MOSMO: variants seen among roughly 807,000 people sequenced by gnomAD.
The protein encoded by MOSMO is modulator of smoothened protein.
A neutral mutation model predicts 18.4 loss-of-function variants in MOSMO; 5 were observed. The ratio of observed to expected loss-of-function variants is 0.27; its 90% CI spans 0.14 to 0.57. The LOEUF (loss-of-function observed/expected upper bound fraction) is 0.57, where lower values mean the gene tolerates loss of function less well. MOSMO is among the 20% of genes least tolerant of loss of function. The pLI, the probability that MOSMO is intolerant of heterozygous loss-of-function variation, is 0.92. For synonymous variants in MOSMO, 82 were observed against 82.3 expected (o/e 1.00, Z 0.02); for missense variants, 138 against 211.8 (o/e 0.65, Z 2.16).
downstream of MOSMO, among the ~76,000 whole-genome samples, chr16:22,091,420 G>A (rs1016837515): frequency 2.0e-5 from 3 of 152,174 alleles, no homozygotes; most frequent in African/African-American, 7.2e-5. Flanking sequence ...GTCTTGCTCT[G>A]TAGCCCAGGC....
intron 1 of MOSMO, among the ~76,000 whole-genome samples, chr16:22,025,098 A>C (rs1163010612): frequency 6.6e-6 from 1 of 151,482 alleles, no homozygotes; most frequent in African/African-American, 2.4e-5. Flanking sequence ...GGCTGCAGTG[A>C]GATATGATTG....
chr16:22,075,694 C>T lies in MOSMO; in HGVS notation c.314C>T (p.Thr105Ile), dbSNP rs1455370327. The change falls in exon 2 of 3, where the codon ACT becomes ATT. Residue 105 changes from threonine (T) to isoleucine (I), a missense_variant. Transcript: ENST00000542527. Reference protein sequence around the residue: ...ATKYARWIAFTGMILFCMAAL... With the variant: ...ATKYARWIAFIGMILFCMAAL... ...AAATATGCTCGATGGATAGCATTCA[C>T]TGGAAGTAAGTAACCTGTGCTTACT... The T allele has an allele frequency of 1.0e-5, 16 of 1,536,648 alleles. 1 individual carries two copies. Among genetic ancestry groups the T allele is most frequent in the African/African-American group, 1.4e-5 (1 of 73,042 alleles).
intron 1 of MOSMO, among the ~76,000 whole-genome samples, chr16:22,043,765 A>G (rs1900253999): frequency 6.6e-6 from 1 of 152,228 alleles, no homozygotes; most frequent in African/African-American, 2.4e-5. Context: ...TTGAATTTAT[A>G]ATCGTAGAGA....
intron 1 of MOSMO, among the ~76,000 whole-genome samples, chr16:22,057,537 T>C (rs763437911): frequency 3.9e-5 from 6 of 152,190 alleles, no homozygotes; most frequent in Non-Finnish European, 7.3e-5. Flanking sequence ...AGTTCTCAAA[T>C]AACAGACACA....
chr16:22,015,258 T>A (rs1356327981), intron 1 of MOSMO, among the ~76,000 whole-genome samples: 3 of 152,160 alleles, frequency 2.0e-5, no homozygotes. Context: ...ATGACTTTTT[T>A]TTTTCTTTAA....
At chr16:22,088,127 G>A (rs919507802), downstream of MOSMO, among the ~76,000 whole-genome samples, 1 of 151,722 alleles carries the variant, frequency 6.6e-6, no homozygotes, top group African/African-American at 2.4e-5. Flanking sequence ...GGGCTCAAGC[G>A]ATTCACCCAC....
At chr16:22,044,047 C>T (rs1483393604) in intron 1 of MOSMO, among the ~76,000 whole-genome samples, 1 of 152,084 alleles carries the variant, frequency 6.6e-6, no homozygotes, top group Non-Finnish European at 1.5e-5. Flanking sequence ...ACCATCAGAT[C>T]TCATGAGACT....
chr16:22,089,184 C>T (rs1240787883), downstream of MOSMO, among the ~76,000 whole-genome samples: 3 of 152,126 alleles, frequency 2.0e-5, no homozygotes, highest in Admixed American at 6.5e-5. Flanking sequence ...CTTCCCACCT[C>T]AGCTTCCCAA....
intron 1 of MOSMO, among the ~76,000 whole-genome samples, chr16:22,009,757 G>T (rs1466554041): frequency 8.5e-6 from 1 of 117,428 alleles, no homozygotes; most frequent in South Asian, 2.9e-4. Flanking sequence ...TCAGGATTTC[G>T]AAACTAGCCT....
At chr16:22,041,356 T>C (rs1016232363) in intron 1 of MOSMO, among the ~76,000 whole-genome samples, 2 of 152,224 alleles carry the variant, frequency 1.3e-5, no homozygotes, top group Non-Finnish European at 2.9e-5. Flanking sequence ...CAATTGTCAA[T>C]TTTTAATATG....
At chr16:22,039,007 G>A (rs896457780) in intron 1 of MOSMO, among the ~76,000 whole-genome samples, 1 of 152,186 alleles carries the variant, frequency 6.6e-6, no homozygotes, top group Non-Finnish European at 1.5e-5. Flanking sequence ...GAGTTAGGCA[G>A]ATTACTTAAC....
chr16:22,010,753 T>C (rs1390966066), intron 1 of MOSMO, among the ~76,000 whole-genome samples: 3 of 152,066 alleles, frequency 2.0e-5, no homozygotes, highest in African/African-American at 4.8e-5. Context: ...ACCCTGTCTC[T>C]ACTAAAAATA....
chr16:22,066,806 ATAT>A (rs1406556012), intron 1 of MOSMO, among the ~76,000 whole-genome samples: 1 of 152,210 alleles, frequency 6.6e-6, no homozygotes, highest in Non-Finnish European at 1.5e-5. Flanking sequence ...TTGTCACATT[ATAT>A]TATTCAAATG....
Position 22,080,920 on chromosome 16 carries a change from T to G in MOSMO, c.*40T>G. On this transcript the variant is annotated 3_prime_UTR_variant, in exon 3 of 3. Coordinates refer to ENST00000542527, the MANE Select transcript of MOSMO (RefSeq NM_001164579.2). The stretch of plus-strand genomic sequence containing the variant: ...GCTTGACTCTTATTATTTTTTATTT[T>G]ATTTTATTTTTTTATTTTTGGAGGG... 9.4e-7 allele frequency: 1 copy of G among 1,058,340 alleles called. No individual in the cohort carries two copies. The highest frequency in any genetic ancestry group is 4.0e-5 in the Admixed American group (1 of 25,284). 65.6% of individuals were successfully genotyped at this position (1,058,340 alleles called of 1,614,324 possible).
chr16:22,026,767 C>A (rs1050556555), intron 1 of MOSMO, among the ~76,000 whole-genome samples: 1 of 152,136 alleles, frequency 6.6e-6, no homozygotes, highest in Non-Finnish European at 1.5e-5. Context: ...AACTCTATGT[C>A]CTTTGAAAAG....
downstream of MOSMO, among the ~76,000 whole-genome samples, chr16:22,088,921 T>C (rs1272816230): frequency 1.3e-5 from 2 of 152,054 alleles, no homozygotes; most frequent in Admixed American, 6.6e-5. Context: ...GCTAAATCTA[T>C]GGTTTGCTTC....
intron 1 of MOSMO, among the ~76,000 whole-genome samples, chr16:22,065,853 G>A (rs1900737981): frequency 6.6e-6 from 1 of 152,096 alleles, no homozygotes; most frequent in African/African-American, 2.4e-5. Flanking sequence ...TTTCTGGAAT[G>A]GCAAAGTAAG....
Position 22,075,542 on chromosome 16 carries a change from G to A in MOSMO, c.162G>A (p.Arg54=). Residue 54 remains arginine, a synonymous_variant, in exon 2 of 3, where the codon CGG becomes CGA. Transcript: ENST00000542527. ...GTCAAACAATCCATGGACGAGACCGGACGTGCATCCCTCCCCGGCTTCCCC... is the reference window on the plus strand; with the variant it reads ...GTCAAACAATCCATGGACGAGACCGAACGTGCATCCCTCCCCGGCTTCCCC... The part of the protein sequence containing the change: ...RQCQTIHGRD[R]TCIPPRLPPE... 1 of 1,537,338 alleles carries A rather than the reference G, an allele frequency of 6.5e-7. No homozygotes were observed. The highest frequency in any genetic ancestry group is 1.4e-5 in the African/African-American group (1 of 73,176).
At chr16:22,090,467 TG>T (rs1461136524), downstream of MOSMO, among the ~76,000 whole-genome samples, 4 of 152,204 alleles carry the variant, frequency 2.6e-5, no homozygotes. Context: ...TCCCCTGCTT[TG>T]GCATGTCACT....
Sources: gnomAD v4.1 joint callset for allele counts (sites outside exome capture counted in the v4.1 genomes callset) on GRCh38, gnomAD v4.1.1 for gene constraint, MANE v1.5 for transcripts, NCBI Gene and HGNC (gene_info 2026-07-23, HGNC 2026-07-21) for gene names.